PALM2AKAP2: variants seen among roughly 807,000 people sequenced by gnomAD.
The protein encoded by PALM2AKAP2 is PALM2-AKAP2 fusion protein.
A neutral mutation model predicts 71.5 loss-of-function variants in PALM2AKAP2; 37 were observed. That is an observed-to-expected ratio of 0.52 (90% CI 0.40 to 0.68). The LOEUF (loss-of-function observed/expected upper bound fraction) is 0.68. Ranked by LOEUF, PALM2AKAP2 falls within the 30% of genes least tolerant of loss-of-function variation. The pLI is 0.00. For synonymous variants in PALM2AKAP2, 468 were observed against 478.8 expected (o/e 0.98, Z 0.29); for missense variants, 1,224 against 1,191.8 (o/e 1.03, Z -0.40).
intron 7 of PALM2AKAP2, among the ~76,000 whole-genome samples, chr9:110,024,608 A>T (rs1833140312): frequency 2.6e-5 from 4 of 152,052 alleles, no homozygotes; most frequent in Admixed American, 2.6e-4. Context: ...ACATGGTGAA[A>T]CTGTGTATCT....
intron 6 of PALM2AKAP2, among the ~76,000 whole-genome samples, chr9:109,963,422 C>T (rs1285135932): frequency 6.6e-6 from 1 of 152,190 alleles, no homozygotes; most frequent in Non-Finnish European, 1.5e-5. Context: ...AATTTATAAC[C>T]AGCCCATCCT....
chr9:110,087,569 C>T (rs1834602350), intron 1 of PALM2AKAP2, among the ~76,000 whole-genome samples: 1 of 152,206 alleles, frequency 6.6e-6, no homozygotes, highest in South Asian at 2.1e-4. Context: ...GAATGCAGAA[C>T]TGGATGCTGT....
At chr9:110,138,259 C>G in exon 2 of PALM2AKAP2, 1 of 1,614,178 alleles carries the variant, frequency 6.2e-7, no homozygotes, top group Non-Finnish European at 8.5e-7. Flanking sequence ...TGGAGGAGAC[C>G]AGGCCCGAAG....
At chr9:109,832,111 A>AGG (rs1372573034) in intron 1 of PALM2AKAP2, among the ~76,000 whole-genome samples, 1 of 152,210 alleles carries the variant, frequency 6.6e-6, no homozygotes, top group Non-Finnish European at 1.5e-5. Flanking sequence ...AGGCTGGACA[A>AGG]GCATAAAGGA....
chr9:109,640,889 G>C, intron 1 of PALM2AKAP2: 2 of 1,513,350 alleles, frequency 1.3e-6, no homozygotes, highest in East Asian at 2.6e-5. Context: ...GAGCCGCGCC[G>C]CCAGCTGCTC....
chr9:109,732,712 A>G (rs531488184), intron 1 of PALM2AKAP2, among the ~76,000 whole-genome samples: 22 of 152,292 alleles, frequency 1.4e-4, no homozygotes, highest in Non-Finnish European at 2.8e-4. Context: ...GCGGGTAATG[A>G]TGAGTGCTAT....
At chr9:109,755,186 A>C (rs1419771759) in intron 1 of PALM2AKAP2, among the ~76,000 whole-genome samples, 1 of 152,064 alleles carries the variant, frequency 6.6e-6, no homozygotes. Context: ...TATTTTTAAA[A>C]TGTAAACCAG....
intron 1 of PALM2AKAP2, among the ~76,000 whole-genome samples, chr9:110,070,105 G>C (rs1245982025): frequency 1.3e-5 from 2 of 152,188 alleles, no homozygotes; most frequent in Non-Finnish European, 2.9e-5. Flanking sequence ...TCCTAGCAGA[G>C]CGGTACTGAC....
chr9:109,870,509 C>T (rs927120493), intron 2 of PALM2AKAP2, among the ~76,000 whole-genome samples: 5 of 152,168 alleles, frequency 3.3e-5, no homozygotes, highest in African/African-American at 4.8e-5. Context: ...GTGCCTAACA[C>T]GTGCCTGGTA....
intron 3 of PALM2AKAP2, among the ~76,000 whole-genome samples, chr9:109,915,903 G>A (rs183521987): frequency 1.3e-4 from 19 of 151,834 alleles, no homozygotes; most frequent in African/African-American, 1.7e-4. Flanking sequence ...GTGCTCCTTT[G>A]GATTCAACTG....
At chr9:109,643,071 G>A (rs868570393) in intron 1 of PALM2AKAP2, among the ~76,000 whole-genome samples, 1 of 149,874 alleles carries the variant, frequency 6.7e-6, no homozygotes, top group Non-Finnish European at 1.5e-5. Context: ...AAGAAAGAAA[G>A]AGAAAGAAAG....
At chr9:109,827,477 G>T (rs1216684307) in intron 1 of PALM2AKAP2, among the ~76,000 whole-genome samples, 1 of 151,948 alleles carries the variant, frequency 6.6e-6, no homozygotes, top group African/African-American at 2.4e-5. Context: ...GGCATGGTGG[G>T]GTATGCCTGT....
At chr9:110,114,187 C>A (rs1232289753) in intron 1 of PALM2AKAP2, among the ~76,000 whole-genome samples, 1 of 152,200 alleles carries the variant, frequency 6.6e-6, no homozygotes. Flanking sequence ...GAGGGAGAAT[C>A]CGTTCCATGC....
At chr9:110,017,709 A>G (rs1007253209) in intron 7 of PALM2AKAP2, among the ~76,000 whole-genome samples, 25 of 149,786 alleles carry the variant, frequency 1.7e-4, no homozygotes, top group Admixed American at 1.6e-3. Flanking sequence ...GTTTGCTTTT[A>G]TAAAGCAAAC....
intron 1 of PALM2AKAP2, among the ~76,000 whole-genome samples, chr9:109,842,637 G>A (rs917452785): frequency 1.3e-5 from 2 of 151,720 alleles, no homozygotes; most frequent in Admixed American, 6.6e-5. Context: ...AGTTTTTGTT[G>A]TCGTCGTTGT....
chr9:109,834,334 AG>A (rs1828392380), intron 1 of PALM2AKAP2, among the ~76,000 whole-genome samples: 1 of 152,378 alleles, frequency 6.6e-6, no homozygotes, highest in South Asian at 2.1e-4. Flanking sequence ...ATTTTGTAAC[AG>A]GCAGAAACCA....
intron 2 of PALM2AKAP2, among the ~76,000 whole-genome samples, chr9:110,143,283 G>T (rs1587855531): frequency 6.6e-6 from 1 of 151,336 alleles, no homozygotes; most frequent in Non-Finnish European, 1.5e-5. Context: ...TTACCTGAGT[G>T]TGGTGACACA....
chr9:109,731,311 G>A (rs192958079), intron 1 of PALM2AKAP2, among the ~76,000 whole-genome samples: 94 of 152,256 alleles, frequency 6.2e-4, no homozygotes, highest in African/African-American at 2.2e-3. Flanking sequence ...GCTCTTTTCT[G>A]TGTCAAATGA....
chr9:109,856,493 G>A (rs1013138956), intron 1 of PALM2AKAP2, among the ~76,000 whole-genome samples: 1 of 152,226 alleles, frequency 6.6e-6, no homozygotes, highest in Non-Finnish European at 1.5e-5. Context: ...TTATGTTGGT[G>A]TATCCATTTT....
Sources: gnomAD v4.1 joint callset for allele counts (sites outside exome capture counted in the v4.1 genomes callset) on GRCh38, gnomAD v4.1.1 for gene constraint, MANE v1.5 for transcripts, NCBI Gene and HGNC (gene_info 2026-07-23, HGNC 2026-07-21) for gene names.